ADAMTSL2: variants seen among roughly 807,000 people sequenced by gnomAD.
ADAMTSL2 encodes ADAMTS-like protein 2.
ADAMTSL2 carries 55 observed loss-of-function variants against 117.0 expected under a neutral mutation model. That is an observed-to-expected ratio of 0.47 (90% CI 0.38 to 0.59). The LOEUF is 0.59. Among genes scored for constraint, ADAMTSL2 ranks in the 20% least tolerant of loss-of-function variants. The pLI is 0.00. For synonymous variants in ADAMTSL2, 572 were observed against 566.4 expected, an observed-to-expected ratio of 1.01 and a Z score of -0.14; for missense variants, 1,182 against 1,354.5, an observed-to-expected ratio of 0.87 and a Z score of 2.00.
rs746513236 is a variant in ADAMTSL2 at position 133,540,653 on chromosome 9, C to T, written c.468C>T (p.Asp156=). 25 of 1,613,624 alleles carry T rather than the reference C, an allele frequency of 1.5e-5. No homozygotes were observed. The highest frequency in any genetic ancestry group is 1.1e-4 in the East Asian group (5 of 44,896). ...GTGACCTGCACTGTACCACCGTGGA[C>T]GGCCAGCGGCAGCTCATGGTCCCCG... is the stretch of plus-strand genomic sequence containing the variant. ...KPCDLHCTTV[D]GQRQLMVPAR... Residue 156 remains aspartate, a synonymous_variant, in exon 6 of 19, where the codon GAC becomes GAT. Transcript: ENST00000651351.
intron 17 of ADAMTSL2, among the ~76,000 whole-genome samples, chr9:133,572,918 A>G (rs1397015456): frequency 6.6e-6 from 1 of 152,200 alleles, no homozygotes; most frequent in Non-Finnish European, 1.5e-5. Flanking sequence ...AGGCACGTCC[A>G]GAGGCTCCTC....
chr9:133,545,524 C>T (rs1469412090), intron 8 of ADAMTSL2, among the ~76,000 whole-genome samples: 1 of 152,202 alleles, frequency 6.6e-6, no homozygotes, highest in Non-Finnish European at 1.5e-5. Context: ...TCTGAGTGCC[C>T]CTGCCCCAGC....
At position 133,540,861 on chromosome 9, in the gene ADAMTSL2, C is replaced by T. The variant is rs760765900; in HGVS notation, c.559-17C>T. The T allele has an allele frequency of 7.4e-6, 12 of 1,613,414 alleles. No homozygotes were observed. Among genetic ancestry groups the T allele is most frequent in the Non-Finnish European group, 9.3e-6 (11 of 1,179,994 alleles). On this transcript the variant is annotated splice_polypyrimidine_tract_variant and intron_variant, in intron 6 of 18. Coordinates refer to ENST00000651351, the MANE Select transcript of ADAMTSL2 (RefSeq NM_014694.4). ...ACAGCGCCCTCCCAGCAGCCCTCTC[C>T]CTCTCCCTTCCTGCAGCCCATCGGC...
intron 17 of ADAMTSL2, 42 bp downstream of exon 17, chr9:133,570,549 A>T: frequency 6.3e-7 from 1 of 1,578,612 alleles, no homozygotes; most frequent in Non-Finnish European, 8.6e-7. Context: ...CTGAGGCCAG[A>T]CCTGAATGTC....
At chr9:133,535,179 G>A (rs555134312) in intron 1 of ADAMTSL2, among the ~76,000 whole-genome samples, 2 of 152,326 alleles carry the variant, frequency 1.3e-5, no homozygotes, top group East Asian at 3.9e-4. Context: ...GGGAGGGATG[G>A]ATCCCCGTGA....
At chr9:133,551,304 A>AC (rs370839921) in intron 9 of ADAMTSL2, among the ~76,000 whole-genome samples, 8 of 151,348 alleles carry the variant, frequency 5.3e-5, no homozygotes, top group Non-Finnish European at 1.0e-4. Context: ...GGGCCCCCCC[A>AC]CACACAGCCA....
chr9:133,540,493 C>G, intron 5 of ADAMTSL2, 105 bp from the exon 6 acceptor site: 2 of 1,472,212 alleles, frequency 1.4e-6, no homozygotes, highest in South Asian at 2.4e-5. Context: ...CTGAGTTGCC[C>G]CATCTATGCA....
intron 18 of ADAMTSL2, 109 bp downstream of exon 18, chr9:133,574,096 G>A (rs1265196419): frequency 6.9e-7 from 1 of 1,444,130 alleles, no homozygotes; most frequent in South Asian, 1.2e-5. Context: ...GGCGAGCCTG[G>A]GAACCAGCTT....
At position 133,536,777 on chromosome 9, in the gene ADAMTSL2, G is replaced by A. The variant is rs1250728293; in HGVS notation, c.65G>A (p.Gly22Glu). ...CTGCTGGTTCTGGCAGTTGTAGCTG[G>A]GGACACAGTGTCAACCGGGTCCACG... Reference protein sequence around the residue: ...WFLLVLAVVAGDTVSTGSTDN... With the variant: ...WFLLVLAVVAEDTVSTGSTDN... The change falls in exon 2 of 19, where the codon GGG becomes GAG. Residue 22 changes from glycine (G) to glutamate (E), a missense_variant. Physicochemically the swap from Gly to Glu is moderately conservative, Grantham distance 98 (BLOSUM62 -2). Around this residue, in one of 3 missense-constraint regions of ADAMTSL2, gnomAD observed 372 missense variants for 463.4 expected, o/e 0.80. Transcript: ENST00000651351. 1.2e-6 allele frequency: 2 copies of A among 1,614,044 alleles called. No individual in the cohort carries two copies. The highest frequency in any genetic ancestry group is 2.7e-5 in the African/African-American group (2 of 74,942).
At chr9:133,543,687 G>A (rs554581235) in intron 7 of ADAMTSL2, among the ~76,000 whole-genome samples, 32 of 152,330 alleles carry the variant, frequency 2.1e-4, no homozygotes, top group African/African-American at 6.7e-4. Context: ...AGAGGGATCC[G>A]GTGAGACAAG....
chr9:133,535,088 CA>C (rs1830019402), intron 1 of ADAMTSL2, among the ~76,000 whole-genome samples, 171 bp downstream of exon 1: 2 of 152,222 alleles, frequency 1.3e-5, no homozygotes, highest in South Asian at 4.2e-4. Context: ...GGTGGCCTCC[CA>C]GCACCTAGCC....
Position 133,536,696 on chromosome 9 carries a change from T to G in ADAMTSL2, c.-17T>G. Reference sequence around the variant, plus strand: ...ATCGGAGCTGGCCTGGTGGTGACAGTGGCCTTGCTTCCTAGGATGGATGGC... The same window carrying G: ...ATCGGAGCTGGCCTGGTGGTGACAGGGGCCTTGCTTCCTAGGATGGATGGC... On this transcript the variant is annotated 5_prime_UTR_variant, in exon 2 of 19. Transcript: ENST00000651351. 6.2e-7 allele frequency: 1 copy of G among 1,614,178 alleles called. No individual in the cohort carries two copies. The highest frequency in any genetic ancestry group is 8.5e-7 in the Non-Finnish European group (1 of 1,180,024).
intron 10 of ADAMTSL2, among the ~76,000 whole-genome samples, chr9:133,555,180 G>C (rs988508920): frequency 6.6e-6 from 1 of 151,878 alleles, no homozygotes. Flanking sequence ...TGTCTCTGTC[G>C]GTCCCCTTCT....
intron 12 of ADAMTSL2, among the ~76,000 whole-genome samples, chr9:133,564,532 GAC>G (rs1465230385): frequency 5.6e-5 from 5 of 88,874 alleles, no homozygotes; most frequent in East Asian, 3.9e-4. Flanking sequence ...GAGAGAGAGA[GAC>G]AGAGAGGGAG....
intron 1 of ADAMTSL2, 44 bp downstream of exon 1, chr9:133,534,961 C>G (rs1588271910): frequency 7.4e-7 from 1 of 1,359,324 alleles, no homozygotes; most frequent in Non-Finnish European, 9.5e-7. Flanking sequence ...CAGCGTCCAC[C>G]AGGCCAGCCC....
Position 133,555,652 on chromosome 9 carries a change from C to CG in ADAMTSL2, c.1371_1372insG (p.Ile458AspfsTer3). ...CCCAGGAGTTCTTCTCGGCTAACGC[C>CG]ATCTCTGACCAGCTGCTGGGCGCAG... On this transcript the variant is annotated frameshift_variant, in exon 11 of 19. Transcript: ENST00000651351. LOFTEE classifies it high-confidence loss of function. 6.2e-7 allele frequency: 1 copy of CG among 1,613,738 alleles called. No individual in the cohort carries two copies. Among genetic ancestry groups the CG allele is most frequent in the Non-Finnish European group, 8.5e-7 (1 of 1,180,034 alleles).
chr9:133,545,270 G>T (rs922576395), intron 8 of ADAMTSL2, among the ~76,000 whole-genome samples: 1 of 152,164 alleles, frequency 6.6e-6, no homozygotes, highest in East Asian at 1.9e-4. Flanking sequence ...TTTATGGGGC[G>T]GGCTTGGGTA....
At position 133,555,855 on chromosome 9, in the gene ADAMTSL2, G is replaced by A. The variant is rs1235633160; in HGVS notation, c.1574G>A (p.Ser525Asn). Residue 525 changes from serine (S) to asparagine (N), a missense_variant, in exon 11 of 19, where the codon AGC (serine) becomes AAC (asparagine). Around this residue, in one of 3 missense-constraint regions of ADAMTSL2, gnomAD observed 345 missense variants for 325.8 expected, o/e 1.06. Transcript: ENST00000651351. The stretch of plus-strand genomic sequence containing the variant: ...CTGAGCAGCGACAGGGTTGCCAACA[G>A]CTCCTCCGAGGCCCCATTCCCCAAC... ...LELSSDRVAN[S>N]SSEAPFPNVS... The A allele has an allele frequency of 6.2e-7, 1 of 1,613,330 alleles. No individual in the cohort carries two copies. Among genetic ancestry groups the A allele is most frequent in the Non-Finnish European group, 8.5e-7 (1 of 1,179,898 alleles).
rs548559473 is a variant in ADAMTSL2 at position 133,539,551 on chromosome 9, G to A, written c.310-220G>A. ...TGTCTAGAGTAGGCGGAGGGCTGGCGTGGGGGGCGGAGCTGCCCTTTCCTG... is the reference window on the plus strand; with the variant it reads ...TGTCTAGAGTAGGCGGAGGGCTGGCATGGGGGGCGGAGCTGCCCTTTCCTG... On this transcript the variant is annotated intron_variant, in intron 4 of 18. Transcript: ENST00000651351. Among the ~76,000 whole-genome samples the A allele has an allele frequency of 4.0e-5, 6 of 149,246 alleles. No homozygotes were observed. The East Asian group carries it at 6.0e-4, about 15-fold the overall frequency.
Sources: allele counts gnomAD v4.1 joint callset (sites outside exome capture counted in the v4.1 genomes callset), GRCh38; gene constraint gnomAD v4.1.1; regional missense constraint gnomAD v4.1.1; transcripts MANE v1.5; gene names NCBI Gene and HGNC (gene_info 2026-07-23, HGNC 2026-07-21).